Variants in MMP26 observed in about 807,000 individuals in gnomAD.
MMP26 encodes matrix metallopeptidase 26.
Under a neutral mutation model 31.0 loss-of-function variants are expected in MMP26, and 33 were observed. The observed-to-expected ratio is 1.06, with a 90% confidence interval of 0.81 to 1.42. The LOEUF (loss-of-function observed/expected upper bound fraction) is 1.42. MMP26 is among the 40% of genes most tolerant of loss of function. The pLI, the probability that MMP26 is intolerant of heterozygous loss-of-function variation, is 0.00. For synonymous variants in MMP26, 122 were observed against 114.9 expected (o/e 1.06, Z -0.40); for missense variants, 347 against 316.1 (o/e 1.10, Z -0.74).
At chr11:4,906,329 A>G (rs757589153) in intron 2 of MMP26, among the ~76,000 whole-genome samples, 1 of 152,216 alleles carries the variant, frequency 6.6e-6, no homozygotes, top group Non-Finnish European at 1.5e-5. Context: ...TTGGAACTTC[A>G]TAAATAACTA....
At chr11:4,763,544 G>C (rs118061926) in intron 1 of MMP26, among the ~76,000 whole-genome samples, 1,672 of 152,304 alleles carry the variant, frequency 0.011, 11 homozygotes, top group Non-Finnish European at 0.018. Context: ...TTGGGGTACT[G>C]AAGGGCATGT....
At chr11:4,825,118 C>T (rs11034090) in intron 2 of MMP26, among the ~76,000 whole-genome samples, 15,945 of 152,074 alleles carry the variant, frequency 0.1, 1,025 homozygotes, top group Middle Eastern at 0.17. Context: ...AGTTGTGAGG[C>T]ATCACACTCA....
At chr11:4,797,192 A>C (rs943380480) in intron 2 of MMP26, among the ~76,000 whole-genome samples, 3 of 152,186 alleles carry the variant, frequency 2.0e-5, no homozygotes, top group African/African-American at 7.2e-5. Flanking sequence ...AAACAATTAC[A>C]AAACATGACT....
intron 2 of MMP26, among the ~76,000 whole-genome samples, chr11:4,802,333 T>C (rs1589904949): frequency 6.6e-6 from 1 of 152,208 alleles, no homozygotes; most frequent in African/African-American, 2.4e-5. Context: ...GCTCAATATA[T>C]TACTTGAATA....
At chr11:4,984,112 A>G (rs904171236) in intron 2 of MMP26, among the ~76,000 whole-genome samples, 1 of 152,188 alleles carries the variant, frequency 6.6e-6, no homozygotes, top group African/African-American at 2.4e-5. Context: ...TGCATGGGGC[A>G]TACTGGGAGT....
intron 2 of MMP26, among the ~76,000 whole-genome samples, chr11:4,783,119 G>T (rs1016547820): frequency 3.3e-5 from 5 of 152,194 alleles, no homozygotes; most frequent in Admixed American, 2.0e-4. Flanking sequence ...CGATCCTCCA[G>T]ACCCCAGAAT....
intron 2 of MMP26, chr11:4,923,682 A>G: frequency 6.2e-7 from 1 of 1,614,074 alleles, no homozygotes; most frequent in African/African-American, 1.3e-5. Context: ...ATGAGGGCGT[A>G]TGAGAGAAAG....
intron 2 of MMP26, among the ~76,000 whole-genome samples, chr11:4,874,399 CT>C (rs1177323811): frequency 6.6e-6 from 1 of 151,992 alleles, no homozygotes; most frequent in Non-Finnish European, 1.5e-5. Context: ...TGGATTTTGT[CT>C]AGTGGCTTTG....
chr11:4,914,987 A>G (rs755790776), intron 2 of MMP26: 1 of 1,614,136 alleles, frequency 6.2e-7, no homozygotes, highest in Admixed American at 1.7e-5. Flanking sequence ...GGTGCGCAGG[A>G]TCAGAGCATA....
chr11:4,850,380 G>A lies in MMP26; in HGVS notation c.-145+83039G>A, dbSNP rs149836526. Among the ~76,000 whole-genome samples the A allele has an allele frequency of 8.4e-3, 1,278 of 152,220 alleles. 23 individuals carry two copies. Among genetic ancestry groups the A allele is most frequent in the African/African-American group, 0.029 (1,197 of 41,542 alleles). ...CAATAGCAAAACCAATAAGACACTCGTTTGTTCCCTAAGTCAGTTGTTGGT... is the reference window on the plus strand; with the variant it reads ...CAATAGCAAAACCAATAAGACACTCATTTGTTCCCTAAGTCAGTTGTTGGT... On this transcript the variant is annotated intron_variant, in intron 2 of 7. Coordinates refer to ENST00000380390, the MANE Select transcript of MMP26 (RefSeq NM_021801.5).
intron 2 of MMP26, among the ~76,000 whole-genome samples, chr11:4,814,069 G>A (rs1849388170): frequency 6.6e-6 from 1 of 152,148 alleles, no homozygotes; most frequent in African/African-American, 2.4e-5. Flanking sequence ...TTAGGTAAAT[G>A]AAAGTTTAAA....
At chr11:4,991,939 C>T (rs1011338808) in intron 6 of MMP26, 25 bp from the exon 7 acceptor site, 2 of 1,395,978 alleles carry the variant, frequency 1.4e-6, no homozygotes, top group Admixed American at 4.5e-5. Flanking sequence ...TTAATTTTAT[C>T]TTTTTTTTTT....
chr11:4,955,754 C>T lies in MMP26; in HGVS notation c.-144-32314C>T, dbSNP rs184799141. On this transcript the variant is annotated intron_variant, in intron 2 of 7. Coordinates refer to ENST00000380390, the MANE Select transcript of MMP26 (RefSeq NM_021801.5). Reference sequence around the variant, plus strand: ...CTCTGCTATGAAAAATACAGATACACCTGACCTCAGGTGATCCGCTTGCTT... The same window carrying T: ...CTCTGCTATGAAAAATACAGATACATCTGACCTCAGGTGATCCGCTTGCTT... 506 of 1,567,654 alleles carry T rather than the reference C, an allele frequency of 3.2e-4. 1 individual carries two copies. In the African/African-American group the frequency reaches 5.8e-3, roughly 18 times the overall value.
intron 2 of MMP26, chr11:4,849,237 A>T (rs766150537): frequency 6.4e-7 from 1 of 1,561,880 alleles, no homozygotes; most frequent in East Asian, 2.3e-5. Flanking sequence ...GAACTCTGGA[A>T]CCTGAAAAAT....
chr11:4,769,761 T>C, intron 2 of MMP26: 1 of 1,613,938 alleles, frequency 6.2e-7, no homozygotes, highest in Non-Finnish European at 8.5e-7. Flanking sequence ...CTCTGCTGGG[T>C]AATGATGACA....
At chr11:4,898,931 A>T (rs1455155739) in intron 2 of MMP26, among the ~76,000 whole-genome samples, 1 of 151,896 alleles carries the variant, frequency 6.6e-6, no homozygotes, top group Non-Finnish European at 1.5e-5. Context: ...AGTTAGAAAG[A>T]TAATTTGACA....
At chr11:4,987,482 G>T (rs1042102109) in intron 2 of MMP26, among the ~76,000 whole-genome samples, 1 of 151,472 alleles carries the variant, frequency 6.6e-6, no homozygotes, top group Non-Finnish European at 1.5e-5. Flanking sequence ...GCAGTGGCGC[G>T]ATCTCGGCTC....
intron 2 of MMP26, chr11:4,943,181 C>A: frequency 5.4e-6 from 1 of 184,670 alleles, no homozygotes; most frequent in Admixed American, 5.9e-5. Flanking sequence ...AATAGAAAAA[C>A]AAAATGAAAC....
rs181863251 is a variant in MMP26, at chr11:4,737,302, G to T, written c.-216-29968G>T. 1.9e-3 allele frequency among the ~76,000 whole-genome samples: 288 copies of T among 152,064 alleles called. 4 individuals carry two copies. The highest frequency in any genetic ancestry group is 3.6e-3 in the Non-Finnish European group (248 of 67,978). On this transcript the variant is annotated intron_variant, in intron 1 of 7. Transcript: ENST00000380390. ...CTGCTGAGTTGAACTTCCTCTTCAT[G>T]ATTCTTGTTTCCTGATTCACAATAC...
Sources: gnomAD v4.1 joint callset for allele counts (sites outside exome capture counted in the v4.1 genomes callset) on GRCh38, gnomAD v4.1.1 for gene constraint, MANE v1.5 for transcripts, NCBI Gene and HGNC (gene_info 2026-07-23, HGNC 2026-07-21) for gene names.